The following CLYBL variants were observed in gnomAD, a reference collection of about 807,000 sequenced individuals.
CLYBL encodes citramalyl-CoA lyase, also known as citramalyl-CoA lyase, mitochondrial.
In CLYBL, 31 loss-of-function variants were observed where a neutral mutation model predicts 38.9. The observed-to-expected ratio is 0.80, with a 90% CI of 0.60 to 1.08. The LOEUF (loss-of-function observed/expected upper bound fraction) is 1.08. Ranked by LOEUF, CLYBL falls within the 50% of genes least tolerant of loss-of-function variation. The pLI, the probability that CLYBL is intolerant of heterozygous loss-of-function variation, is 0.00. For synonymous variants in CLYBL, 171 were observed against 158.6 expected, an observed-to-expected ratio of 1.08 and a Z score of -0.59; for missense variants, 434 against 411.6, an observed-to-expected ratio of 1.05 and a Z score of -0.47.
intron 2 of CLYBL, among the ~76,000 whole-genome samples, chr13:99,845,140 C>G (rs981506111): frequency 5.3e-5 from 8 of 152,156 alleles, no homozygotes; most frequent in African/African-American, 1.7e-4. Flanking sequence ...GGCAGAACTT[C>G]CAGCCCAGGA....
intron 1 of CLYBL, among the ~76,000 whole-genome samples, chr13:99,764,948 C>T (rs1046313512): frequency 1.3e-5 from 2 of 152,082 alleles, no homozygotes; most frequent in Non-Finnish European, 2.9e-5. Flanking sequence ...CTCGACCTCC[C>T]AAAGTGCTAA....
intron 2 of CLYBL, among the ~76,000 whole-genome samples, chr13:99,842,799 C>G (rs2051114561): frequency 6.6e-6 from 1 of 152,042 alleles, no homozygotes; most frequent in African/African-American, 2.4e-5. Context: ...CCCAGCTACT[C>G]TGGAGGCTGT....
intron 7 of CLYBL, among the ~76,000 whole-genome samples, chr13:99,883,148 C>T (rs1252033078): frequency 1.3e-5 from 2 of 152,144 alleles, no homozygotes; most frequent in African/African-American, 2.4e-5. Context: ...AACAGGAACC[C>T]CACCGGGTTT....
At chr13:99,648,905 G>T (rs2047213017) in intron 1 of CLYBL, among the ~76,000 whole-genome samples, 1 of 150,376 alleles carries the variant, frequency 6.6e-6, no homozygotes, top group Admixed American at 6.6e-5. Context: ...TGAACATAAG[G>T]ATATATATAT....
intron 2 of CLYBL, among the ~76,000 whole-genome samples, chr13:99,800,980 T>G (rs959699035): frequency 2.0e-5 from 3 of 151,824 alleles, no homozygotes; most frequent in Admixed American, 1.3e-4. Flanking sequence ...TAAAATCATC[T>G]GAGTCTTTCC....
chr13:99,770,084 T>C (rs561971369), intron 1 of CLYBL, among the ~76,000 whole-genome samples: 43 of 139,012 alleles, frequency 3.1e-4, no homozygotes, highest in African/African-American at 8.3e-4. Flanking sequence ...TTCTTTCTTT[T>C]TTTTTTTTTT....
chr13:99,731,113 G>A (rs1196264410), intron 1 of CLYBL, among the ~76,000 whole-genome samples: 3 of 151,014 alleles, frequency 2.0e-5, no homozygotes, highest in Admixed American at 2.0e-4. Flanking sequence ...AAAAGGCGGG[G>A]GCTTGGAGAG....
chr13:99,693,182 G>A (rs542404823), intron 1 of CLYBL, among the ~76,000 whole-genome samples: 3 of 152,238 alleles, frequency 2.0e-5, no homozygotes, highest in African/African-American at 7.2e-5. Context: ...TAATTATGAA[G>A]CATCTTATAT....
rs566170478 is a variant in CLYBL, at chr13:99,776,694, G to A, written c.249+3684G>A. Among the ~76,000 whole-genome samples, 4 of 152,112 alleles carry A rather than the reference G, an allele frequency of 2.6e-5. No homozygotes were observed. In the South Asian group the frequency reaches 8.3e-4, roughly 32 times the overall value. ...CAAGTTTCAGGGAAATTTTGAAGAG[G>A]TTGGGGCCAAGTGCTGCACAAGCAT... On this transcript the variant is annotated intron_variant, in intron 2 of 8. Transcript: ENST00000339105.
chr13:99,716,408 T>TTTTC (rs2048315808), intron 1 of CLYBL, among the ~76,000 whole-genome samples: 1 of 150,364 alleles, frequency 6.7e-6, no homozygotes, highest in African/African-American at 2.4e-5. Context: ...TTTTTTTTTT[T>TTTTC]TAATAGAGTC....
chr13:99,635,303 A>G (rs2047003222), intron 1 of CLYBL, among the ~76,000 whole-genome samples: 1 of 151,920 alleles, frequency 6.6e-6, no homozygotes, highest in Non-Finnish European at 1.5e-5. Flanking sequence ...AATCTGCACC[A>G]CGCCCCCCAC....
intron 2 of CLYBL, among the ~76,000 whole-genome samples, chr13:99,799,942 A>T (rs1017375608): frequency 3.3e-5 from 5 of 152,242 alleles, no homozygotes; most frequent in African/African-American, 7.2e-5. Flanking sequence ...AAGCTGAGCC[A>T]TTCAGAGCGT....
intron 8 of CLYBL, among the ~76,000 whole-genome samples, chr13:99,905,192 G>A (rs1016058234): frequency 1.3e-5 from 2 of 152,200 alleles, no homozygotes; most frequent in African/African-American, 4.8e-5. Context: ...CCTCTGGTTG[G>A]TCACTCCTCT....
At chr13:99,699,948 C>T (rs1467739912) in intron 1 of CLYBL, among the ~76,000 whole-genome samples, 2 of 151,902 alleles carry the variant, frequency 1.3e-5, no homozygotes, top group Admixed American at 1.3e-4. Flanking sequence ...GCCGAGATTG[C>T]ACCACTGCAC....
At chr13:99,896,624 C>G (rs911907531), downstream of CLYBL, 4 of 152,282 alleles carry the variant, frequency 2.6e-5, no homozygotes, top group South Asian at 4.1e-4. Context: ...GGGACGATCC[C>G]GGTCCCCTGC....
chr13:99,653,902 T>C (rs1272100870), intron 1 of CLYBL, among the ~76,000 whole-genome samples: 2 of 152,218 alleles, frequency 1.3e-5, no homozygotes, highest in Admixed American at 6.5e-5. Flanking sequence ...TTGGGTGTTA[T>C]GGCCAAAAGA....
chr13:99,632,177 G>A (rs1223784243), intron 1 of CLYBL, among the ~76,000 whole-genome samples: 1 of 152,114 alleles, frequency 6.6e-6, no homozygotes. Context: ...AGCTACAGAG[G>A]GCACAAACAC....
intron 1 of CLYBL, among the ~76,000 whole-genome samples, chr13:99,672,298 C>T (rs1021500948): frequency 9.2e-5 from 14 of 151,558 alleles, no homozygotes; most frequent in African/African-American, 3.4e-4. Flanking sequence ...CCACAAACTC[C>T]TGGGCTCAAG....
At chr13:99,727,232 C>T (rs2048492852) in intron 1 of CLYBL, 3 of 151,986 alleles carry the variant, frequency 2.0e-5, no homozygotes, top group Admixed American at 1.3e-4. Context: ...AGACCTGCCT[C>T]ATTTGCTTGT....
Sources: allele counts gnomAD v4.1 joint callset (sites outside exome capture counted in the v4.1 genomes callset), GRCh38; gene constraint gnomAD v4.1.1; transcripts MANE v1.5; gene names NCBI Gene and HGNC (gene_info 2026-07-23, HGNC 2026-07-21).